SLC4A8: variants seen among roughly 807,000 people sequenced by gnomAD.
The protein encoded by SLC4A8 is electroneutral sodium bicarbonate exchanger 1.
SLC4A8 carries 40 observed loss-of-function variants against 125.0 expected under a neutral mutation model. The ratio of observed to expected loss-of-function variants is 0.32; its 90% CI spans 0.25 to 0.42. The LOEUF (loss-of-function observed/expected upper bound fraction) is 0.42. Among genes scored for constraint, SLC4A8 ranks in the 10% least tolerant of loss-of-function variants. SLC4A8 has a pLI of 1.00. For synonymous variants in SLC4A8, 456 were observed against 476.0 expected (o/e 0.96, Z 0.55); for missense variants, 863 against 1,355.1 (o/e 0.64, Z 5.70).
chr12:51,411,951 A>G (rs1452579721), intron 1 of SLC4A8, among the ~76,000 whole-genome samples: 5 of 151,846 alleles, frequency 3.3e-5, no homozygotes, highest in African/African-American at 9.7e-5. Flanking sequence ...GGTTCCAGCT[A>G]CTCGGGAGGC....
At chr12:51,398,509 A>C (rs922936217) in intron 1 of SLC4A8, among the ~76,000 whole-genome samples, 16 of 152,202 alleles carry the variant, frequency 1.1e-4, no homozygotes, top group African/African-American at 3.9e-4. Flanking sequence ...TGCTTGTAAG[A>C]TTTTGCTGTG....
intron 1 of SLC4A8, 119 bp downstream of exon 1, chr12:51,425,154 AG>A: frequency 6.9e-7 from 1 of 1,446,564 alleles, no homozygotes; most frequent in Non-Finnish European, 9.1e-7. Flanking sequence ...CCTGAGGGCG[AG>A]GGGAGGCCAG....
At chr12:51,395,725 A>T (rs1472033547) in intron 1 of SLC4A8, among the ~76,000 whole-genome samples, 2 of 152,142 alleles carry the variant, frequency 1.3e-5, no homozygotes, top group African/African-American at 4.8e-5. Flanking sequence ...CTGTCCTATC[A>T]CTACCTCTCA....
chr12:51,443,243 T>C (rs1345260227), intron 2 of SLC4A8, among the ~76,000 whole-genome samples: 1 of 152,150 alleles, frequency 6.6e-6, no homozygotes. Flanking sequence ...CACCCCAGCC[T>C]CCCAAGTAGC....
chr12:51,443,462 C>T lies in SLC4A8; in HGVS notation c.130+2673C>T, dbSNP rs571238357. On this transcript the variant is annotated intron_variant, in intron 2 of 24. Transcript: ENST00000453097. ...AGAGTCAAAAGCCAACATCAGAACA[C>T]GTTCCAAAGATGAACTCAAGAAGAG... 2.2e-4 allele frequency among the ~76,000 whole-genome samples: 34 copies of T among 152,134 alleles called. No homozygotes were observed. The East Asian group carries it at 4.3e-3, about 19-fold the overall frequency.
At position 51,453,649 on chromosome 12, in the gene SLC4A8, ATGGAACAGTCCTCC is replaced by A; in HGVS notation, c.529_542del (p.Thr177TyrfsTer5). ...TTTGAGCTAAGGAGCTGCCTTATTA[ATGGAACAGTCCTCC>A]TGGATATGCATGCAAATAGCATAGA... On this transcript the variant is annotated frameshift_variant, in exon 5 of 25. Coordinates refer to ENST00000453097, the MANE Select transcript of SLC4A8 (RefSeq NM_001039960.3). LOFTEE classifies it high-confidence loss of function. 1.2e-6 allele frequency: 2 copies of A among 1,614,206 alleles called. No individual in the cohort carries two copies. Among genetic ancestry groups the A allele is most frequent in the Non-Finnish European group, 1.7e-6 (2 of 1,180,012 alleles).
chr12:51,487,686 A>C (rs1032743666), intron 17 of SLC4A8, among the ~76,000 whole-genome samples: 1 of 152,200 alleles, frequency 6.6e-6, no homozygotes, highest in African/African-American at 2.4e-5. Context: ...AAGATTTATA[A>C]ACAGTTGTAT....
Position 51,451,011 on chromosome 12 carries a change from C to T in SLC4A8, c.266C>T (p.Ala89Val). ...GASQGEEGLEALAHDTPSQRV... is the reference protein window; with the variant it reads ...GASQGEEGLEVLAHDTPSQRV... ...AGCCAGGGGGAGGAAGGCCTGGAAGCCCTGGCCCACGGTAAGGGCCTTGGG... is the reference window on the plus strand; with the variant it reads ...AGCCAGGGGGAGGAAGGCCTGGAAGTCCTGGCCCACGGTAAGGGCCTTGGG... Residue 89 changes from alanine (A) to valine (V), a missense_variant, in exon 3 of 25, where the codon GCC (alanine) becomes GTC (valine). Ala to Val is a moderately conservative substitution (Grantham distance 64, BLOSUM62 0). Around this residue, in one of 6 missense-constraint regions of SLC4A8, gnomAD observed 390 missense variants for 634.4 expected, o/e 0.61. Transcript: ENST00000453097. 6.6e-7 allele frequency: 1 copy of T among 1,525,604 alleles called. No individual in the cohort carries two copies. The highest frequency in any genetic ancestry group is 8.8e-7 in the Non-Finnish European group (1 of 1,134,612). The allele number at this position is 1,525,604 out of a possible 1,614,324, so 94.5% of individuals were successfully genotyped here. A position where few individuals can be genotyped will look rare whatever the true frequency, so the allele number is the denominator to read the frequency against.
chr12:51,433,873 TTTTTTG>T (rs1565772353), intron 1 of SLC4A8, among the ~76,000 whole-genome samples: 46 of 29,956 alleles, frequency 1.5e-3, no homozygotes, highest in African/African-American at 3.5e-3. Flanking sequence ...TTTTTTTTTT[TTTTTTG>T]GTTGGTTTTT....
rs572187273 is a variant in SLC4A8 at position 51,473,700 on chromosome 12, A to C, written c.1905-642A>C. On this transcript the variant is annotated intron_variant, in intron 14 of 24. Transcript: ENST00000453097. ...GGGAGGCAACATGGTGGCCAATGGC[A>C]CAGGTGTGGTCTGGTCTGGTCTGGT... Among the ~76,000 whole-genome samples, 542 of 152,310 alleles carry C rather than the reference A, an allele frequency of 3.6e-3. 2 individuals carry two copies. The highest frequency in any genetic ancestry group is 0.013 in the African/African-American group (526 of 41,572).
chr12:51,494,837 G>A lies in SLC4A8; in HGVS notation c.2770-108G>A, dbSNP rs1951420706. On this transcript the variant is annotated intron_variant, in intron 20 of 24. Coordinates refer to ENST00000453097, the MANE Select transcript of SLC4A8 (RefSeq NM_001039960.3). ...TTTCCATTTCTGTCCAGAGGAAATG[G>A]TGTTACCTACCTTTCAGAGCAGGTA... 4 of 800,120 alleles carry A rather than the reference G, an allele frequency of 5.0e-6. No homozygotes were observed. In the South Asian group the frequency reaches 9.2e-5, roughly 18 times the overall value. The allele number at this position is 800,120 out of a possible 1,614,324, so 49.6% of individuals were successfully genotyped here.
At chr12:51,448,016 G>T (rs1375498747) in intron 2 of SLC4A8, among the ~76,000 whole-genome samples, 1 of 152,120 alleles carries the variant, frequency 6.6e-6, no homozygotes, top group African/African-American at 2.4e-5. Flanking sequence ...ACCACGTCCG[G>T]CTGGGATTTC....
At position 51,469,597 on chromosome 12, in the gene SLC4A8, CTGTT is replaced by C; in HGVS notation, c.1350-16_1350-13del. On this transcript the variant is annotated splice_polypyrimidine_tract_variant and intron_variant, in intron 11 of 24. Coordinates refer to ENST00000453097, the MANE Select transcript of SLC4A8 (RefSeq NM_001039960.3). ...AAGACGGACTGTGTTAGAAGCCTGT[CTGTT>C]GTGTTTCCACAGGCTATTTGGGGGC... The C allele has an allele frequency of 6.2e-7, 1 of 1,610,514 alleles. No individual in the cohort carries two copies. Among genetic ancestry groups the C allele is most frequent in the Non-Finnish European group, 8.5e-7 (1 of 1,178,098 alleles).
At chr12:51,474,473 C>T (rs1220888264) in intron 15 of SLC4A8, 26 bp downstream of exon 15, 2 of 1,607,148 alleles carry the variant, frequency 1.2e-6, no homozygotes, top group Non-Finnish European at 1.7e-6. Context: ...GCCAGATGTC[C>T]TAGCATTGTG....
chr12:51,428,141 A>G (rs115701664), intron 1 of SLC4A8, among the ~76,000 whole-genome samples: 1,783 of 152,228 alleles, frequency 0.012, 34 homozygotes, highest in African/African-American at 0.04. Flanking sequence ...TGTTTTACCC[A>G]GGCCTTCTCA....
chr12:51,491,740 GACACAC>G (rs35694156), intron 19 of SLC4A8, among the ~76,000 whole-genome samples: 15 of 146,034 alleles, frequency 1.0e-4, no homozygotes, highest in African/African-American at 3.6e-4. Context: ...GGGATGGGCA[GACACAC>G]ACACACACAC....
At chr12:51,407,169 C>T (rs1047005884) in intron 1 of SLC4A8, among the ~76,000 whole-genome samples, 3 of 152,176 alleles carry the variant, frequency 2.0e-5, no homozygotes, top group Non-Finnish European at 2.9e-5. Flanking sequence ...ACCTGACTGA[C>T]GGGAGGAGCC....
chr12:51,422,416 C>CTGGAG (rs1181112289), upstream of SLC4A8, among the ~76,000 whole-genome samples: 7 of 152,130 alleles, frequency 4.6e-5, no homozygotes, highest in Non-Finnish European at 7.4e-5. Context: ...GTCACCTCGG[C>CTGGAG]TGGAGTGGAG....
At chr12:51,477,973 A>AT (rs1175994694) in intron 16 of SLC4A8, among the ~76,000 whole-genome samples, 1 of 152,196 alleles carries the variant, frequency 6.6e-6, no homozygotes, top group African/African-American at 2.4e-5. Context: ...TCTACTAAAA[A>AT]TACAAAAATT....
Sources: gnomAD v4.1 joint callset for allele counts (sites outside exome capture counted in the v4.1 genomes callset) on GRCh38, gnomAD v4.1.1 for gene constraint, gnomAD v4.1.1 regional missense constraint, MANE v1.5 for transcripts, NCBI Gene and HGNC (gene_info 2026-07-23, HGNC 2026-07-21) for gene names.